Variants in BRD10 observed in about 807,000 individuals in gnomAD.
The protein encoded by BRD10 is uncharacterized bromodomain-containing protein 10.
At chr9:5,980,963 C>T in the BRD10 span, among the ~76,000 whole-genome samples, 1 of 152,170 alleles carries the variant, frequency 6.6e-6, no homozygotes, top group Non-Finnish European at 1.5e-5. Context: ...AAACACCTTC[C>T]TCTTCTAACA....
At chr9:5,902,056 T>C in the BRD10 span, among the ~76,000 whole-genome samples, 3 of 152,242 alleles carry the variant, frequency 2.0e-5, no homozygotes, top group Non-Finnish European at 2.9e-5. Context: ...TTTGCTTCTA[T>C]CTTCTGAAAG....
the BRD10 span, among the ~76,000 whole-genome samples, chr9:5,931,533 A>G: frequency 6.6e-6 from 1 of 152,214 alleles, no homozygotes; most frequent in Non-Finnish European, 1.5e-5. Context: ...GACTTCTTTC[A>G]TACAACTTAC....
the BRD10 span, among the ~76,000 whole-genome samples, chr9:6,003,368 T>A: frequency 6.6e-6 from 1 of 152,288 alleles, no homozygotes; most frequent in East Asian, 1.9e-4. Context: ...CATACTAATA[T>A]TTGACGTTCT....
chr9:5,888,881 CACA>C, the BRD10 span, among the ~76,000 whole-genome samples: 2 of 152,190 alleles, frequency 1.3e-5, no homozygotes, highest in Non-Finnish European at 2.9e-5. Flanking sequence ...TCTTATTCTA[CACA>C]ACAACAAGGA....
At chr9:5,977,841 G>C in the BRD10 span, among the ~76,000 whole-genome samples, 1 of 149,256 alleles carries the variant, frequency 6.7e-6, no homozygotes, top group South Asian at 2.1e-4. Flanking sequence ...TCTCAAAAAA[G>C]AAAAAAAAAT....
At chr9:5,948,112 A>G in the BRD10 span, among the ~76,000 whole-genome samples, 2 of 152,154 alleles carry the variant, frequency 1.3e-5, no homozygotes, top group East Asian at 3.8e-4. Flanking sequence ...AATATAATCC[A>G]TGGCAGAGCT....
the BRD10 span, among the ~76,000 whole-genome samples, chr9:5,953,135 A>G: frequency 2.0e-5 from 3 of 152,166 alleles, no homozygotes; most frequent in Admixed American, 6.5e-5. Flanking sequence ...ATATCTAACT[A>G]TTAAACTCAC....
At chr9:5,934,776 G>A in the BRD10 span, among the ~76,000 whole-genome samples, 88,019 of 151,946 alleles carry the variant, frequency 0.58, 27,125 homozygotes, top group Non-Finnish European at 0.71. Context: ...AGTTAGCTGG[G>A]CACTAAAAGA....
the BRD10 span, among the ~76,000 whole-genome samples, chr9:5,892,265 G>A: frequency 6.6e-6 from 1 of 152,150 alleles, no homozygotes; most frequent in Non-Finnish European, 1.5e-5. Context: ...TTAGAAACCT[G>A]AGCTATTGCT....
At chr9:5,982,055 GTA>G in the BRD10 span, among the ~76,000 whole-genome samples, 1 of 150,980 alleles carries the variant, frequency 6.6e-6, no homozygotes, top group Non-Finnish European at 1.5e-5. Flanking sequence ...GTATGTGTGT[GTA>G]TATATATATA....
At chr9:5,912,743 T>G in the BRD10 span, among the ~76,000 whole-genome samples, 1 of 152,160 alleles carries the variant, frequency 6.6e-6, no homozygotes, top group East Asian at 1.9e-4. Context: ...TACTGCAGCG[T>G]GCCCTTCCTT....
At chr9:5,976,981 GCAACTTTTGGC>G in the BRD10 span, among the ~76,000 whole-genome samples, 1 of 152,186 alleles carries the variant, frequency 6.6e-6, no homozygotes, top group Non-Finnish European at 1.5e-5. Flanking sequence ...GCAGTGAAAA[GCAACTTTTGGC>G]CAATATAAAG....
chr9:5,898,614 G>A, the BRD10 span, among the ~76,000 whole-genome samples: 1 of 152,148 alleles, frequency 6.6e-6, no homozygotes, highest in Non-Finnish European at 1.5e-5. Flanking sequence ...ACGGTTTATA[G>A]GGCACAGGGG....
At chr9:5,915,506 A>G in the BRD10 span, among the ~76,000 whole-genome samples, 1 of 152,212 alleles carries the variant, frequency 6.6e-6, no homozygotes, top group Non-Finnish European at 1.5e-5. Flanking sequence ...TCTATCAGCT[A>G]GCTCAACCTA....
the BRD10 span, among the ~76,000 whole-genome samples, chr9:5,886,628 C>T: frequency 6.6e-6 from 1 of 152,140 alleles, no homozygotes; most frequent in African/African-American, 2.4e-5. Context: ...ACTAGATTGC[C>T]AGGGGAGAAA....
chr9:5,920,580 G>A, the BRD10 span: 1 of 1,613,968 alleles, frequency 6.2e-7, no homozygotes, highest in South Asian at 1.1e-5. Flanking sequence ...TCAGTTTGAG[G>A]TTTATTTGTG....
the BRD10 span, among the ~76,000 whole-genome samples, chr9:5,900,657 CCA>C: frequency 1.3e-5 from 2 of 152,110 alleles, no homozygotes; most frequent in Non-Finnish European, 2.9e-5. Flanking sequence ...TTCCATTTGT[CCA>C]CAGAGAGGCT....
the BRD10 span, among the ~76,000 whole-genome samples, chr9:5,967,758 A>T: frequency 6.6e-6 from 1 of 151,578 alleles, no homozygotes; most frequent in East Asian, 1.9e-4. Flanking sequence ...AGAGAAAGGT[A>T]AAAACATAAT....
At chr9:5,920,901 G>C in the BRD10 span, 1 of 1,613,998 alleles carries the variant, frequency 6.2e-7, no homozygotes, top group East Asian at 2.2e-5. Context: ...GATGAGCAAA[G>C]TCTATTTGAC....
Sources: gnomAD v4.1 joint callset for allele counts (sites outside exome capture counted in the v4.1 genomes callset) on GRCh38, gnomAD v4.1.1 for gene constraint, MANE v1.5 for transcripts, NCBI Gene and HGNC (gene_info 2026-07-23, HGNC 2026-07-21) for gene names.